KANSL1L: variants seen among roughly 807,000 people sequenced by gnomAD.
KANSL1L encodes KAT8 regulatory NSL complex subunit 1-like protein.
A neutral mutation model predicts 108.6 loss-of-function variants in KANSL1L; 25 were observed. That is an observed-to-expected ratio of 0.23 (90% confidence interval 0.17 to 0.32). The LOEUF (loss-of-function observed/expected upper bound fraction) is 0.32. Ranked by LOEUF, KANSL1L falls within the 10% of genes least tolerant of loss-of-function variation. The probability of loss-of-function intolerance (pLI) is 1.00; values close to 1 mark genes in which losing one functional copy is unlikely to be tolerated. For synonymous variants in KANSL1L, 405 were observed against 395.1 expected, an observed-to-expected ratio of 1.03 and a Z score of -0.30; for missense variants, 1,137 against 1,125.7, an observed-to-expected ratio of 1.01 and a Z score of -0.14.
At chr2:210,076,964 G>A (rs115302848) in intron 5 of KANSL1L, among the ~76,000 whole-genome samples, 4,681 of 152,084 alleles carry the variant, frequency 0.031, 94 homozygotes, top group Non-Finnish European at 0.046. Flanking sequence ...AGTAGAATTG[G>A]TGTTTACCAG....
intron 6 of KANSL1L, among the ~76,000 whole-genome samples, chr2:210,068,985 T>C (rs912190031): frequency 6.6e-6 from 1 of 152,164 alleles, no homozygotes. Flanking sequence ...GCCTGAGAAT[T>C]TTCCAAATCA....
chr2:210,160,703 A>T (rs1427739581), intron 1 of KANSL1L, among the ~76,000 whole-genome samples: 1 of 152,230 alleles, frequency 6.6e-6, no homozygotes, highest in Non-Finnish European at 1.5e-5. Context: ...CACAGATAAA[A>T]CTATTCAATA....
At chr2:210,037,471 C>T (rs943538853) in intron 8 of KANSL1L, among the ~76,000 whole-genome samples, 1 of 152,122 alleles carries the variant, frequency 6.6e-6, no homozygotes, top group Non-Finnish European at 1.5e-5. Context: ...GCACATAATA[C>T]TTATATTTTT....
At chr2:210,081,880 T>C (rs1378147825) in intron 5 of KANSL1L, among the ~76,000 whole-genome samples, 1 of 152,228 alleles carries the variant, frequency 6.6e-6, no homozygotes, top group African/African-American at 2.4e-5. Context: ...AAAAGATATA[T>C]ATTTCCACTG....
At chr2:210,118,949 C>T (rs2094985879) in intron 3 of KANSL1L, among the ~76,000 whole-genome samples, 1 of 151,908 alleles carries the variant, frequency 6.6e-6, no homozygotes, top group Non-Finnish European at 1.5e-5. Flanking sequence ...GCAGGCAGAT[C>T]ACGAGGTCAA....
chr2:210,127,798 CAAAAAAAAAA>C (rs55979027), intron 3 of KANSL1L, among the ~76,000 whole-genome samples: 2 of 28,128 alleles, frequency 7.1e-5, no homozygotes, highest in Non-Finnish European at 1.3e-4. Flanking sequence ...GACTCTGCCT[CAAAAAAAAAA>C]AAAAAAAAAA....
intron 6 of KANSL1L, among the ~76,000 whole-genome samples, chr2:210,055,747 G>A (rs1315083331): frequency 6.6e-6 from 1 of 152,186 alleles, no homozygotes; most frequent in African/African-American, 2.4e-5. Flanking sequence ...TTGAACTTGA[G>A]AAAGATGATC....
chr2:210,054,085 G>A (rs964935065), intron 6 of KANSL1L, among the ~76,000 whole-genome samples: 1 of 152,050 alleles, frequency 6.6e-6, no homozygotes, highest in Non-Finnish European at 1.5e-5. Flanking sequence ...GGGAGGCCGA[G>A]GCCAGTGGAT....
intron 5 of KANSL1L, among the ~76,000 whole-genome samples, chr2:210,090,558 G>C (rs1302575124): frequency 6.6e-6 from 1 of 152,142 alleles, no homozygotes; most frequent in African/African-American, 2.4e-5. Flanking sequence ...GGGTTTTTGA[G>C]ACAGGGTCTC....
chr2:210,144,389 T>G (rs1167585638), intron 2 of KANSL1L, among the ~76,000 whole-genome samples: 1 of 152,202 alleles, frequency 6.6e-6, no homozygotes, highest in Non-Finnish European at 1.5e-5. Context: ...TCATTATTTC[T>G]TTAAAAATAC....
intron 2 of KANSL1L, among the ~76,000 whole-genome samples, chr2:210,146,226 T>A (rs1327708588): frequency 6.6e-6 from 1 of 152,176 alleles, no homozygotes; most frequent in Admixed American, 6.5e-5. Context: ...AGTTATCCTC[T>A]GGATTTTTGT....
At chr2:210,115,390 G>A (rs978685282) in intron 3 of KANSL1L, among the ~76,000 whole-genome samples, 1 of 152,076 alleles carries the variant, frequency 6.6e-6, no homozygotes. Flanking sequence ...AAGAAAACCA[G>A]TCTAAATTCC....
intron 5 of KANSL1L, among the ~76,000 whole-genome samples, chr2:210,091,978 T>C (rs1180882583): frequency 6.6e-6 from 1 of 152,216 alleles, no homozygotes; most frequent in African/African-American, 2.4e-5. Context: ...AACATACTAA[T>C]GGTACCATTC....
chr2:210,134,188 T>C (rs962869572), intron 2 of KANSL1L, among the ~76,000 whole-genome samples: 1 of 152,180 alleles, frequency 6.6e-6, no homozygotes, highest in Non-Finnish European at 1.5e-5. Flanking sequence ...CCTTGTTAGC[T>C]GAAGTCGTTT....
At position 210,027,305 on chromosome 2, in the gene KANSL1L, G is replaced by T. The variant is rs1209265786; in HGVS notation, c.2442C>A (p.Gly814=). Reference sequence around the variant, plus strand: ...ATGAAAGGCAGCTTACCTCTTCTTTGCCTAAATTATATTCATCCAAAGGCT... The same window carrying T: ...ATGAAAGGCAGCTTACCTCTTCTTTTCCTAAATTATATTCATCCAAAGGCT... ...VLQPLDEYNL[G]KEEIEDLSDE... Residue 814 remains glycine, a synonymous_variant, in exon 12 of 15, where the codon GGC becomes GGA. Transcript: ENST00000281772. 9.9e-6 allele frequency: 16 copies of T among 1,610,524 alleles called. No individual in the cohort carries two copies. Among genetic ancestry groups the T allele is most frequent in the Non-Finnish European group, 1.4e-5 (16 of 1,176,994 alleles).
At chr2:210,067,306 AT>A (rs2094473281) in intron 6 of KANSL1L, among the ~76,000 whole-genome samples, 1 of 152,156 alleles carries the variant, frequency 6.6e-6, no homozygotes, top group Admixed American at 6.5e-5. Flanking sequence ...ATATCTATAT[AT>A]ATTCTATTGC....
chr2:210,065,067 G>C (rs73007205), intron 6 of KANSL1L, among the ~76,000 whole-genome samples: 12,358 of 151,524 alleles, frequency 0.082, 687 homozygotes, highest in Middle Eastern at 0.26. Flanking sequence ...CTTTGGGTAG[G>C]TGGATCACCT....
chr2:210,160,559 C>T (rs2095356300), intron 1 of KANSL1L, among the ~76,000 whole-genome samples: 1 of 152,132 alleles, frequency 6.6e-6, no homozygotes, highest in Non-Finnish European at 1.5e-5. Flanking sequence ...AATTTTTAAA[C>T]AGTAATAATT....
Position 210,161,967 on chromosome 2 carries a change from G to A in KANSL1L, c.-29-7356C>T, listed in dbSNP as rs1575646505. ...TGGGTATGCATGGTGGCTCATGCCT[G>A]TGATCCTAGTATTTTGGGAGGCCAA... On this transcript the variant is annotated intron_variant, in intron 1 of 14. Transcript: ENST00000281772. 2.6e-5 allele frequency among the ~76,000 whole-genome samples: 4 copies of A among 151,278 alleles called. No individual in the cohort carries two copies. The South Asian group carries it at 8.3e-4, about 31-fold the overall frequency.
Sources: allele counts gnomAD v4.1 joint callset (sites outside exome capture counted in the v4.1 genomes callset), GRCh38; gene constraint gnomAD v4.1.1; transcripts MANE v1.5; gene names NCBI Gene and HGNC (gene_info 2026-07-23, HGNC 2026-07-21).